The following PKD2L1 variants were observed in gnomAD, a reference collection of about 807,000 sequenced individuals.
PKD2L1 encodes polycystin 2 like 1, transient receptor potential cation channel.
PKD2L1 carries 77 observed loss-of-function variants against 93.0 expected under a neutral mutation model. The observed-to-expected ratio is 0.83, with a 90% CI of 0.69 to 1.00. The LOEUF is 1.00. Ranked by LOEUF, PKD2L1 falls within the 50% of genes least tolerant of loss-of-function variation. The pLI is 0.00. For missense variants in PKD2L1, 977 were observed against 990.9 expected, an observed-to-expected ratio of 0.99 and a Z score of 0.19; for synonymous variants, 390 against 388.0, an observed-to-expected ratio of 1.01 and a Z score of -0.06.
At chr10:100,324,431 G>A (rs368989198) in intron 2 of PKD2L1, among the ~76,000 whole-genome samples, 81 of 152,198 alleles carry the variant, frequency 5.3e-4, no homozygotes, top group African/African-American at 1.8e-3. Context: ...TTACCTATTC[G>A]TCCTTCTCTT....
At chr10:100,321,501 C>T (rs1037421812) in intron 2 of PKD2L1, among the ~76,000 whole-genome samples, 1 of 145,796 alleles carries the variant, frequency 6.9e-6, no homozygotes, top group East Asian at 2.0e-4. Context: ...ATAGCAACAC[C>T]CCATCTCTAC....
At chr10:100,292,913 T>A (rs764404324) in intron 11 of PKD2L1, 35 bp downstream of exon 11, 1 of 1,602,282 alleles carries the variant, frequency 6.2e-7, no homozygotes, top group Admixed American at 1.7e-5. Flanking sequence ...CTTAAGAGAC[T>A]GTTATTAGAG....
rs750542065 is a variant in PKD2L1, at chr10:100,294,933, GAC to G, written c.1538+7_1538+8del. ...GGCCAGGGAGGAGTGAAGGGGACAG[GAC>G]ACACACATGCACTTGATGAAAGTGC... On this transcript the variant is annotated splice_region_variant and intron_variant, in intron 8 of 15. Transcript: ENST00000318222. 1.1e-5 allele frequency: 17 copies of G among 1,609,048 alleles called. No homozygotes were observed. Among genetic ancestry groups the G allele is most frequent in the Non-Finnish European group, 1.4e-5 (16 of 1,177,290 alleles).
Position 100,297,540 on chromosome 10 carries a change from G to T in PKD2L1, c.798C>A (p.Ser266Arg), listed in dbSNP as rs200290739. ...GAAGGTCCAGGTAGTAGCCACCTCC[G>T]CTGTAGCTTGTGAGCCTGCCCCAGT... is the stretch of plus-strand genomic sequence containing the variant. ...FSHWGRLTSY[S>R]GGGYYLDLPG... is the part of the protein sequence containing the mutation. The change falls in exon 5 of 16, where the codon AGC becomes AGA. Residue 266 changes from serine (S) to arginine (R), a missense_variant. Physicochemically the swap from Ser to Arg is moderately radical, Grantham distance 110 (BLOSUM62 -1). Transcript: ENST00000318222. 1.2e-6 allele frequency: 2 copies of T among 1,613,936 alleles called. No homozygotes were observed. Among genetic ancestry groups the T allele is most frequent in the Non-Finnish European group, 1.7e-6 (2 of 1,180,012 alleles).
intron 2 of PKD2L1, among the ~76,000 whole-genome samples, chr10:100,306,055 T>C (rs1848793236): frequency 6.6e-6 from 1 of 152,018 alleles, no homozygotes; most frequent in African/African-American, 2.4e-5. Flanking sequence ...CATGGTGGTG[T>C]GCACCTGGGG....
At chr10:100,329,469 T>G (rs1849455599) in intron 1 of PKD2L1, 145 bp from the exon 2 acceptor site, 2 of 1,106,844 alleles carry the variant, frequency 1.8e-6, no homozygotes, top group Non-Finnish European at 2.6e-6. Context: ...ATCTGGCTAC[T>G]GTACCCACAC....
intron 11 of PKD2L1, among the ~76,000 whole-genome samples, chr10:100,292,015 A>G (rs1848416685): frequency 6.6e-6 from 1 of 151,638 alleles, no homozygotes; most frequent in Non-Finnish European, 1.5e-5. Context: ...CTCTTCTTGG[A>G]AGAGCCTTCC....
At chr10:100,290,164 T>C (rs1441893829) in intron 13 of PKD2L1, 26 bp from the exon 14 acceptor site, 3 of 1,613,656 alleles carry the variant, frequency 1.9e-6, no homozygotes, top group South Asian at 2.2e-5. Context: ...GAGAGACGAA[T>C]GGAGCAGAAA....
Position 100,290,417 on chromosome 10 carries a change from C to T in PKD2L1, c.2110G>A (p.Gly704Arg), listed in dbSNP as rs1320703038. 1.9e-6 allele frequency: 3 copies of T among 1,612,034 alleles called. No individual in the cohort carries two copies. The highest frequency in any genetic ancestry group is 2.2e-5 in the East Asian group (1 of 44,876). Residue 704 changes from glycine to arginine, a missense_variant, in exon 13 of 16, where the codon GGA becomes AGA. Gly to Arg is a moderately radical substitution (Grantham distance 125). Transcript: ENST00000318222. ...TGCACGTACATGTAGAATTCTTCTC[C>T]TGAAACCCAGCCTCCTGCTCTGGCA... ...EAARAGGWVS[G>R]EEFYMLTRRV...
At chr10:100,319,543 TTTG>T (rs1447075763) in intron 2 of PKD2L1, among the ~76,000 whole-genome samples, 2 of 152,248 alleles carry the variant, frequency 1.3e-5, no homozygotes, top group Non-Finnish European at 2.9e-5. Context: ...TGCTCCTTTC[TTTG>T]TTGATTCTAG....
intron 2 of PKD2L1, among the ~76,000 whole-genome samples, chr10:100,304,291 T>C (rs2134389720): frequency 6.6e-6 from 1 of 152,290 alleles, no homozygotes; most frequent in East Asian, 1.9e-4. Context: ...TCCCATGAGA[T>C]GAGGGGTACT....
intron 2 of PKD2L1, among the ~76,000 whole-genome samples, chr10:100,321,592 T>C (rs1849228636): frequency 7.0e-6 from 1 of 142,942 alleles, no homozygotes; most frequent in African/African-American, 2.7e-5. Context: ...GAGGATTGCT[T>C]GAGCCTAGGA....
At chr10:100,314,891 C>A (rs926861507) in intron 2 of PKD2L1, among the ~76,000 whole-genome samples, 1 of 150,256 alleles carries the variant, frequency 6.7e-6, no homozygotes, top group African/African-American at 2.4e-5. Context: ...AAAAATTAGC[C>A]AGGCGTGTTG....
chr10:100,296,310 T>TG lies in PKD2L1; in HGVS notation c.1186-19dup, dbSNP rs953787577. On this transcript the variant is annotated intron_variant, in intron 6 of 15. Coordinates refer to ENST00000318222, the MANE Select transcript of PKD2L1 (RefSeq NM_016112.3). ...ATGGAGAGCTGTCACACAGGGGTCA[T>TG]GGGGGTGTCAGAGAAGGCAAGGGGA... The TG allele has an allele frequency of 1.6e-5, 25 of 1,551,464 alleles. No individual in the cohort carries two copies. Among genetic ancestry groups the TG allele is most frequent in the Admixed American group, 2.2e-5 (1 of 46,440 alleles).
At chr10:100,325,410 T>C (rs1208331682) in intron 2 of PKD2L1, among the ~76,000 whole-genome samples, 1 of 152,116 alleles carries the variant, frequency 6.6e-6, no homozygotes, top group African/African-American at 2.4e-5. Flanking sequence ...AGGCTCCATG[T>C]CGCCTGAAAA....
chr10:100,325,968 C>G (rs921172857), intron 2 of PKD2L1, among the ~76,000 whole-genome samples: 3 of 152,216 alleles, frequency 2.0e-5, no homozygotes, highest in Non-Finnish European at 2.9e-5. Flanking sequence ...CTTGAACCCA[C>G]ATAGTCGACT....
intron 2 of PKD2L1, among the ~76,000 whole-genome samples, chr10:100,323,721 A>G (rs1315545204): frequency 1.3e-5 from 2 of 152,252 alleles, no homozygotes; most frequent in African/African-American, 2.4e-5. Context: ...TTTGAAAGAT[A>G]TAATACATTA....
In PKD2L1 at chr10:100,303,005, C is replaced by T. The variant is rs74730803; in HGVS notation, c.350-3287G>A. Among the ~76,000 whole-genome samples the T allele has an allele frequency of 6.7e-4, 102 of 151,926 alleles. 1 individual carries two copies. The East Asian group carries it at 0.017, about 26-fold the overall frequency. On this transcript the variant is annotated intron_variant, in intron 2 of 15. Coordinates refer to ENST00000318222, the MANE Select transcript of PKD2L1 (RefSeq NM_016112.3). ...TAATTTACTCTCAAACTTGTGTGTG[C>T]GTGTGTGTTTGTGTGTGTGCACACG... is the stretch of plus-strand genomic sequence containing the variant.
rs1174230792 is a variant in PKD2L1 at position 100,321,776 on chromosome 10, G to C, written c.349+7435C>G. Among the ~76,000 whole-genome samples, 7 of 4,400 alleles carry C rather than the reference G, an allele frequency of 1.6e-3. 1 individual carries two copies. The highest frequency in any genetic ancestry group is 7.3e-3 in the African/African-American group (7 of 958). The allele number at this position is 4,400 out of a possible 152,430, so 2.9% of individuals were successfully genotyped here. ...GAAAGAAGGGAGGGAGGGAGGGAGGGAGGGAGGGAGGGAGGGAGGGAGGGA... is the reference window on the plus strand; with the variant it reads ...GAAAGAAGGGAGGGAGGGAGGGAGGCAGGGAGGGAGGGAGGGAGGGAGGGA... On this transcript the variant is annotated intron_variant, in intron 2 of 15. Coordinates refer to ENST00000318222, the MANE Select transcript of PKD2L1 (RefSeq NM_016112.3).
Sources: allele counts gnomAD v4.1 joint callset (sites outside exome capture counted in the v4.1 genomes callset), GRCh38; gene constraint gnomAD v4.1.1; transcripts MANE v1.5; gene names NCBI Gene and HGNC (gene_info 2026-07-23, HGNC 2026-07-21).